DPY19L2: variants seen among roughly 807,000 people sequenced by gnomAD.
DPY19L2 encodes the protein dpy-19 like 2, also known as probable C-mannosyltransferase DPY19L2.
Under a neutral mutation model 97.9 loss-of-function variants are expected in DPY19L2, and 34 were observed. That is an observed-to-expected ratio of 0.35 (90% confidence interval 0.26 to 0.46). The LOEUF is 0.46. Ranked by LOEUF, DPY19L2 falls within the 20% of genes least tolerant of loss-of-function variation. DPY19L2 has a pLI of 1.00. For missense variants in DPY19L2, 623 were observed against 911.4 expected, an observed-to-expected ratio of 0.68 and a Z score of 4.07; for synonymous variants, 230 against 307.9, an observed-to-expected ratio of 0.75 and a Z score of 2.65.
At position 63,581,973 on chromosome 12, in the gene DPY19L2, G is replaced by T. The variant is rs945060301; in HGVS notation, c.1725+433C>A. Among the ~76,000 whole-genome samples the T allele has an allele frequency of 1.5e-4, 22 of 146,868 alleles. No homozygotes were observed. The Admixed American group carries it at 1.5e-3, about 10-fold the overall frequency. ...TCGCCACCATACCCGGCTAATTTTT[G>T]TATTTTTAGTAGAGATGGAGTTTCA... On this transcript the variant is annotated intron_variant, in intron 18 of 21. Transcript: ENST00000324472.
chr12:63,617,990 C>A (rs1888110318), intron 10 of DPY19L2, among the ~76,000 whole-genome samples, 161 bp downstream of exon 10: 1 of 152,012 alleles, frequency 6.6e-6, no homozygotes, highest in South Asian at 2.1e-4. Context: ...TATAATATGT[C>A]ATCTATAATA....
In DPY19L2 at chr12:63,645,464, A is replaced by C. The variant is rs1259791743; in HGVS notation, c.710-968T>G. Among the ~76,000 whole-genome samples the C allele has an allele frequency of 5.3e-5, 8 of 152,084 alleles. 1 individual carries two copies. Among genetic ancestry groups the C allele is most frequent in the Admixed American group, 5.2e-4 (8 of 15,276 alleles). On this transcript the variant is annotated intron_variant, in intron 5 of 21. Transcript: ENST00000324472. ...CAATGATCTATATACAGATGACTCCAACTCTACATTTAATCCAGAACTTTC... is the reference window on the plus strand; with the variant it reads ...CAATGATCTATATACAGATGACTCCCACTCTACATTTAATCCAGAACTTTC...
rs1185476921 is a variant in DPY19L2, at chr12:63,635,207, T to C, written c.804-8681A>G. Among the ~76,000 whole-genome samples, 9 of 152,114 alleles carry C rather than the reference T, an allele frequency of 5.9e-5. No homozygotes were observed. In the East Asian group the frequency reaches 1.4e-3, roughly 23 times the overall value. Reference sequence around the variant, plus strand: ...GACCTCCAGCAAACTCCAACAGACCTGCAGCTGAGGGTCCTGACTGTTAGA... The same window carrying C: ...GACCTCCAGCAAACTCCAACAGACCCGCAGCTGAGGGTCCTGACTGTTAGA... On this transcript the variant is annotated intron_variant, in intron 6 of 21. Coordinates refer to ENST00000324472, the MANE Select transcript of DPY19L2 (RefSeq NM_173812.5).
At position 63,668,253 on chromosome 12, in the gene DPY19L2, C is replaced by A. The variant is rs1420793414; in HGVS notation, c.141G>T (p.Leu47=). The A allele has an allele frequency of 6.2e-7, 1 of 1,613,878 alleles. No homozygotes were observed. The highest frequency in any genetic ancestry group is 8.5e-7 in the Non-Finnish European group (1 of 1,179,866). Residue 47 remains leucine, a synonymous_variant, in exon 1 of 22, where the codon CTG becomes CTT. Coordinates refer to ENST00000324472, the MANE Select transcript of DPY19L2 (RefSeq NM_173812.5). ...MEKSALGGGK[L]PRGSWRSSPG... ...GGGAGGACCTCCAGGAGCCCCTTGG[C>A]AGTTTCCCGCCGCCTAGGGCCGACT...
intron 6 of DPY19L2, among the ~76,000 whole-genome samples, chr12:63,636,546 G>A (rs1330850463): frequency 6.6e-6 from 1 of 151,956 alleles, no homozygotes; most frequent in East Asian, 1.9e-4. Context: ...CATGTGCAGA[G>A]ACACACATAG....
At chr12:63,641,063 T>TTTG (rs952837053) in intron 6 of DPY19L2, among the ~76,000 whole-genome samples, 92 of 151,944 alleles carry the variant, frequency 6.1e-4, no homozygotes, top group Non-Finnish European at 1.2e-3. Context: ...CGGCTAATTT[T>TTTG]TTGTTGTTGT....
chr12:63,643,896 T>G (rs532361384), intron 6 of DPY19L2, among the ~76,000 whole-genome samples: 105 of 152,230 alleles, frequency 6.9e-4, no homozygotes, highest in African/African-American at 2.4e-3. Context: ...CAATTAAGTG[T>G]GGGGGCAAAA....
At position 63,617,307 on chromosome 12, in the gene DPY19L2, C is replaced by A. The variant is rs370843463; in HGVS notation, c.1215G>T (p.Thr405=). ...ACTTTATGAACTAAACACTTACCCA[C>A]GTCATTAACAAAGATGAAGAATAAT... ...SSYYSSSLLM[T]WAIILKRNEI... The change falls in exon 11 of 22, where the codon ACG becomes ACT. Residue 405 remains threonine (T), a synonymous_variant. Coordinates refer to ENST00000324472, the MANE Select transcript of DPY19L2 (RefSeq NM_173812.5). 329 of 1,577,922 alleles carry A rather than the reference C, an allele frequency of 2.1e-4. No individual in the cohort carries two copies. The highest frequency in any genetic ancestry group is 2.6e-4 in the Non-Finnish European group (307 of 1,159,164).
At chr12:63,635,912 C>T (rs1368516721) in intron 6 of DPY19L2, among the ~76,000 whole-genome samples, 1 of 152,114 alleles carries the variant, frequency 6.6e-6, no homozygotes. Flanking sequence ...CATTCAAATT[C>T]AGGAAATACA....
chr12:63,658,552 A>G (rs1895266086), intron 4 of DPY19L2, among the ~76,000 whole-genome samples: 1 of 152,092 alleles, frequency 6.6e-6, no homozygotes, highest in Non-Finnish European at 1.5e-5. Flanking sequence ...CTGTCTTTTG[A>G]TTTTATTTCT....
At chr12:63,576,250 A>G (rs924053325) in intron 19 of DPY19L2, among the ~76,000 whole-genome samples, 2 of 152,010 alleles carry the variant, frequency 1.3e-5, no homozygotes, top group Non-Finnish European at 2.9e-5. Flanking sequence ...ACATACCTTC[A>G]TGATAAAAAC....
At chr12:63,576,942 T>C (rs117257050) in intron 19 of DPY19L2, among the ~76,000 whole-genome samples, 4,492 of 152,084 alleles carry the variant, frequency 0.03, 103 homozygotes, top group Middle Eastern at 0.082. Flanking sequence ...ACTATCCTTA[T>C]TTATTCGAAA....
intron 12 of DPY19L2, among the ~76,000 whole-genome samples, chr12:63,607,764 T>C (rs188258804): frequency 4.9e-4 from 75 of 152,218 alleles, no homozygotes; most frequent in African/African-American, 1.7e-3. Flanking sequence ...TCCTGGGTAG[T>C]TGGGATCACA....
chr12:63,647,091 C>G (rs1893511982), intron 5 of DPY19L2, among the ~76,000 whole-genome samples, 154 bp downstream of exon 5: 1 of 152,060 alleles, frequency 6.6e-6, no homozygotes, highest in Non-Finnish European at 1.5e-5. Context: ...TCTCAGAAAA[C>G]TATTTTAAAA....
intron 6 of DPY19L2, among the ~76,000 whole-genome samples, chr12:63,639,805 G>A (rs908717518): frequency 8.5e-5 from 13 of 152,156 alleles, no homozygotes; most frequent in Non-Finnish European, 1.6e-4. Flanking sequence ...ATTCCTCAAA[G>A]ATCTAGAACT....
intron 6 of DPY19L2, among the ~76,000 whole-genome samples, chr12:63,636,333 G>C (rs7299722): frequency 0.27 from 40,548 of 151,896 alleles, 6,121 homozygotes; most frequent in African/African-American, 0.42. Context: ...ATGCTAAATT[G>C]TAAAGACCAT....
intron 16 of DPY19L2, among the ~76,000 whole-genome samples, chr12:63,591,430 A>G (rs1882882321): frequency 6.6e-6 from 1 of 152,220 alleles, no homozygotes. Context: ...ATATACCCAT[A>G]TAACAAGACT....
chr12:63,657,543 GT>G (rs1306349034), intron 4 of DPY19L2, among the ~76,000 whole-genome samples: 1 of 148,100 alleles, frequency 6.8e-6, no homozygotes, highest in African/African-American at 2.5e-5. Flanking sequence ...GAATATGACT[GT>G]TTTTTAACAT....
At chr12:63,621,070 C>T (rs960223652) in intron 9 of DPY19L2, among the ~76,000 whole-genome samples, 168 bp downstream of exon 9, 16 of 151,708 alleles carry the variant, frequency 1.1e-4, no homozygotes, top group African/African-American at 3.9e-4. Flanking sequence ...GTGGGGAAAA[C>T]ATTAGGAAAA....
Sources: gnomAD v4.1 joint callset for allele counts (sites outside exome capture counted in the v4.1 genomes callset) on GRCh38, gnomAD v4.1.1 for gene constraint, MANE v1.5 for transcripts, NCBI Gene and HGNC (gene_info 2026-07-23, HGNC 2026-07-21) for gene names.